Variants in CPOX observed in about 807,000 individuals in gnomAD.
CPOX encodes coproporphyrinogen oxidase, also known as oxygen-dependent coproporphyrinogen-III oxidase, mitochondrial.
CPOX carries 24 observed loss-of-function variants against 48.9 expected under a neutral mutation model. The observed-to-expected ratio is 0.49, with a 90% CI of 0.36 to 0.69. The LOEUF is 0.69. Ranked by LOEUF, CPOX falls within the 30% of genes least tolerant of loss-of-function variation. The pLI is 0.00. For missense variants in CPOX, 549 were observed against 597.3 expected (o/e 0.92, Z 0.84); for synonymous variants, 249 against 234.6 (o/e 1.06, Z -0.56).
chr3:98,581,281 T>C (rs542436342), intron 6 of CPOX, 126 bp downstream of exon 6: 8 of 751,962 alleles, frequency 1.1e-5, no homozygotes, highest in South Asian at 8.9e-5. Flanking sequence ...GATTTTCTTA[T>C]AAAATCAGCA....
chr3:98,573,821 T>A, the CPOX span, among the ~76,000 whole-genome samples: 5 of 152,224 alleles, frequency 3.3e-5, no homozygotes, highest in African/African-American at 1.2e-4. Context: ...CATGTTAACA[T>A]CTTCTATTTG....
chr3:98,572,777 T>C, the CPOX span, among the ~76,000 whole-genome samples: 1 of 152,212 alleles, frequency 6.6e-6, no homozygotes. Context: ...TTTATGGTCA[T>C]TATATTCTTT....
chr3:98,586,987 A>T (rs1361666991), intron 4 of CPOX, among the ~76,000 whole-genome samples: 1 of 152,180 alleles, frequency 6.6e-6, no homozygotes, highest in African/African-American at 2.4e-5. Flanking sequence ...AAAAGAAGCC[A>T]TTTCCTAACT....
chr3:98,590,542 C>A, intron 3 of CPOX, 90 bp downstream of exon 3: 2 of 939,900 alleles, frequency 2.1e-6, no homozygotes, highest in Non-Finnish European at 3.4e-6. Flanking sequence ...TAAGACTATT[C>A]TTTCTCGCTT....
At chr3:98,572,268 T>G in the CPOX span, among the ~76,000 whole-genome samples, 26 of 152,330 alleles carry the variant, frequency 1.7e-4, no homozygotes, top group African/African-American at 6.0e-4. Flanking sequence ...ACATTTTAAG[T>G]ACTCTTCTTT....
intron 4 of CPOX, among the ~76,000 whole-genome samples, chr3:98,586,751 T>C (rs960699320): frequency 6.6e-6 from 1 of 152,132 alleles, no homozygotes; most frequent in African/African-American, 2.4e-5. Context: ...GAGACCATCC[T>C]GGCTAACACG....
chr3:98,591,434 T>G (rs1376636132), intron 1 of CPOX, among the ~76,000 whole-genome samples: 3 of 152,226 alleles, frequency 2.0e-5, no homozygotes, highest in African/African-American at 7.2e-5. Context: ...TCCCTTCAGA[T>G]TCTACTGTTC....
In CPOX at chr3:98,580,525, A is replaced by C; in HGVS notation, c.*158T>G. The C allele has an allele frequency of 6.7e-7, 1 of 1,484,058 alleles. No individual in the cohort carries two copies. The highest frequency in any genetic ancestry group is 8.9e-7 in the Non-Finnish European group (1 of 1,118,226). The allele number at this position is 1,484,058 out of a possible 1,614,324, so 91.9% of individuals were successfully genotyped here. A position where few individuals can be genotyped will look rare whatever the true frequency, so the allele number is the denominator to read the frequency against. ...TGCCATCTCACCATTCATCACTGAC[A>C]GCATCCAAAACATGTTATCATCTGC... On this transcript the variant is annotated 3_prime_UTR_variant, in exon 7 of 7. Coordinates refer to ENST00000647941, the MANE Select transcript of CPOX (RefSeq NM_000097.7).
intron 2 of CPOX, 114 bp downstream of exon 2, chr3:98,590,898 G>A: frequency 7.6e-7 from 1 of 1,311,522 alleles, no homozygotes; most frequent in Non-Finnish European, 1.1e-6. Context: ...TCAACGTGCG[G>A]CATATGAACC....
At position 98,579,860 on chromosome 3, in the gene CPOX, C is replaced by A; in HGVS notation, c.*823G>T. On this transcript the variant is annotated 3_prime_UTR_variant, in exon 7 of 7. Transcript: ENST00000647941. ...CCAAATGAGAAACATTGCCTAAATT[C>A]ATGACATCCCTAGGATTATTCTTAG... 4 of 985,312 alleles carry A rather than the reference C, an allele frequency of 4.1e-6. No homozygotes were observed. The highest frequency in any genetic ancestry group is 4.8e-6 in the Non-Finnish European group (4 of 829,424). 61.0% of individuals were successfully genotyped at this position (985,312 alleles called of 1,614,324 possible).
chr3:98,585,138 T>C (rs1432077042), intron 5 of CPOX, among the ~76,000 whole-genome samples: 1 of 152,174 alleles, frequency 6.6e-6, no homozygotes, highest in Admixed American at 6.5e-5. Flanking sequence ...TTAAATGAAG[T>C]CTACATCTTG....
At chr3:98,578,638 T>C (rs767381042), downstream of CPOX, among the ~76,000 whole-genome samples, 14 of 152,210 alleles carry the variant, frequency 9.2e-5, no homozygotes, top group Non-Finnish European at 1.9e-4. Flanking sequence ...ATTGATCTGC[T>C]TTCTGTCATT....
chr3:98,593,579 A>T lies in CPOX; in HGVS notation c.-75T>A. The T allele has an allele frequency of 7.0e-7, 1 of 1,421,440 alleles. No individual in the cohort carries two copies. 88.1% of individuals were successfully genotyped at this position (1,421,440 alleles called of 1,614,324 possible). A position where few individuals can be genotyped will look rare whatever the true frequency, so the allele number is the denominator to read the frequency against. On this transcript the variant is annotated 5_prime_UTR_variant, in exon 1 of 7. Transcript: ENST00000647941. ...TTGAGCCCCCCACCCAGACCCCCGG[A>T]GTATTGAGCCGGCGAGCTGCACAGG... is the stretch of plus-strand genomic sequence containing the variant.
intron 4 of CPOX, among the ~76,000 whole-genome samples, chr3:98,586,104 C>A (rs1269233645): frequency 6.6e-6 from 1 of 152,058 alleles, no homozygotes; most frequent in African/African-American, 2.4e-5. Context: ...GATCTCCTGA[C>A]CTCGTGATCT....
chr3:98,588,864 C>T lies in CPOX; in HGVS notation c.812-10G>A. On this transcript the variant is annotated splice_polypyrimidine_tract_variant and intron_variant, in intron 3 of 6. Transcript: ENST00000647941. ...CACCACTGCTTGTTGCCTACCAAAT[C>T]AAGACATGGGATTCTAATGTGGACT... 6.2e-7 allele frequency: 1 copy of T among 1,614,110 alleles called. No individual in the cohort carries two copies.
At chr3:98,585,311 T>C in intron 5 of CPOX, 130 bp downstream of exon 5, 1 of 793,764 alleles carries the variant, frequency 1.3e-6, no homozygotes, top group Non-Finnish European at 2.2e-6. Flanking sequence ...TTAATTCACT[T>C]AATATTCATC....
At chr3:98,585,042 A>G (rs776892543) in intron 5 of CPOX, among the ~76,000 whole-genome samples, 2 of 152,212 alleles carry the variant, frequency 1.3e-5, no homozygotes, top group Non-Finnish European at 2.9e-5. Context: ...AAATTTCTGA[A>G]ATTATTTCCA....
Position 98,579,645 on chromosome 3 carries a change from A to G in CPOX, c.*1038T>C, listed in dbSNP as rs1707214106. ...ATAATACATTCATAATATATGAACA[A>G]AGAAATCATACATTAAGAATCCTGT... On this transcript the variant is annotated 3_prime_UTR_variant, in exon 7 of 7. Transcript: ENST00000647941. 4.1e-6 allele frequency: 4 copies of G among 983,886 alleles called. No individual in the cohort carries two copies. Among genetic ancestry groups the G allele is most frequent in the Non-Finnish European group, 3.6e-6 (3 of 828,504 alleles). The allele number at this position is 983,886 out of a possible 1,614,324, so 60.9% of individuals were successfully genotyped here. A position where few individuals can be genotyped will look rare whatever the true frequency, so the allele number is the denominator to read the frequency against.
Position 98,593,045 on chromosome 3 carries a change from GC to G in CPOX, c.459del (p.Glu153AspfsTer3). 6.2e-7 allele frequency: 1 copy of G among 1,613,992 alleles called. No homozygotes were observed. The highest frequency in any genetic ancestry group is 8.5e-7 in the Non-Finnish European group (1 of 1,179,966). ...TGGGCCTGGGTCTCCAGAATCAGCA[GC>G]TCCATCTTGGTCTTCATGTCGCCCG... ...RRPGDMKTKM[E>X]LLILETQAQV... On this transcript the variant is annotated frameshift_variant, in exon 1 of 7. Coordinates refer to ENST00000647941, the MANE Select transcript of CPOX (RefSeq NM_000097.7). LOFTEE classifies it high-confidence loss of function.
Sources: allele counts gnomAD v4.1 joint callset (sites outside exome capture counted in the v4.1 genomes callset), GRCh38; gene constraint gnomAD v4.1.1; transcripts MANE v1.5; gene names NCBI Gene and HGNC (gene_info 2026-07-23, HGNC 2026-07-21).